TUT4: variants seen among roughly 807,000 people sequenced by gnomAD.
The protein encoded by TUT4 is terminal uridylyltransferase 4.
A neutral mutation model predicts 192.2 loss-of-function variants in TUT4; 36 were observed. That is an observed-to-expected ratio of 0.19 (90% CI 0.14 to 0.25). The LOEUF (loss-of-function observed/expected upper bound fraction) is 0.25. Ranked by LOEUF, TUT4 falls within the 10% of genes least tolerant of loss-of-function variation. The pLI, the probability that TUT4 is intolerant of heterozygous loss-of-function variation, is 1.00. For synonymous variants in TUT4, 618 were observed against 666.0 expected (o/e 0.93, Z 1.11); for missense variants, 1,493 against 1,957.2 (o/e 0.76, Z 4.47).
intron 1 of TUT4, among the ~76,000 whole-genome samples, chr1:52,549,165 G>GA (rs1688796712): frequency 1.3e-5 from 2 of 152,024 alleles, no homozygotes; most frequent in African/African-American, 2.4e-5. Context: ...AAGCCAAGGA[G>GA]AAAAAAATAC....
chr1:52,490,938 C>A (rs1670996700), intron 7 of TUT4, 137 bp from the exon 8 acceptor site: 1 of 728,148 alleles, frequency 1.4e-6, no homozygotes, highest in South Asian at 2.2e-5. Flanking sequence ...TCATTATGAG[C>A]ACCAACCCAG....
At chr1:52,441,581 C>T (rs924579578) in intron 24 of TUT4, among the ~76,000 whole-genome samples, 4 of 151,506 alleles carry the variant, frequency 2.6e-5, no homozygotes, top group African/African-American at 9.7e-5. Flanking sequence ...ACATGAGCCA[C>T]CGCGCCTGGC....
intron 6 of TUT4, 62 bp from the exon 7 acceptor site, chr1:52,493,724 A>C: frequency 2.0e-6 from 2 of 1,011,344 alleles, no homozygotes; most frequent in South Asian, 1.4e-5. Flanking sequence ...CAGAACATTA[A>C]GGAAAACTCA....
chr1:52,534,867 A>G (rs1684479359), intron 1 of TUT4: 1 of 152,192 alleles, frequency 6.6e-6, no homozygotes, highest in Non-Finnish European at 1.5e-5. Context: ...CGTCCCCAAA[A>G]AAATAAAATA....
rs191217282 is a variant in TUT4, at chr1:52,442,058, C to T, written c.3823-3723G>A. On this transcript the variant is annotated intron_variant, in intron 24 of 29. Transcript: ENST00000257177. The stretch of plus-strand genomic sequence containing the variant: ...TGGCGTGCACCTGTAATCCCAGTTA[C>T]TCTGGAGGCCAAGGCAGGACGATCA... Among the ~76,000 whole-genome samples, 142 of 151,200 alleles carry T rather than the reference C, an allele frequency of 9.4e-4. 1 individual carries two copies. The highest frequency in any genetic ancestry group is 4.2e-3 in the South Asian group (20 of 4,796).
At position 52,445,031 on chromosome 1, in the gene TUT4, A is replaced by G. The variant is rs565251852; in HGVS notation, c.3822+756T>C. ...TGTGTATATATATGTATATATGTGTATATATATATGTGTGTGTGTGTCTGT... is the reference window on the plus strand; with the variant it reads ...TGTGTATATATATGTATATATGTGTGTATATATATGTGTGTGTGTGTCTGT... On this transcript the variant is annotated intron_variant, in intron 24 of 29. Transcript: ENST00000257177. Among the ~76,000 whole-genome samples, 960 of 148,072 alleles carry G rather than the reference A, an allele frequency of 6.5e-3. 9 individuals carry two copies. The highest frequency in any genetic ancestry group is 0.023 in the African/African-American group (889 of 39,376).
At chr1:52,455,607 T>TGAAA (rs758287639) in intron 20 of TUT4, among the ~76,000 whole-genome samples, 1 of 40,566 alleles carries the variant, frequency 2.5e-5, no homozygotes. Context: ...ACGCTACCTT[T>TGAAA]AAAAAAAAAA....
At chr1:52,515,791 T>A in intron 3 of TUT4, 100 bp downstream of exon 3, 8 of 1,395,974 alleles carry the variant, frequency 5.7e-6, no homozygotes, top group Non-Finnish European at 8.0e-6. Flanking sequence ...GAATGCAACC[T>A]CTGTCTTATG....
At chr1:52,499,763 T>C (rs1673569602) in intron 4 of TUT4, among the ~76,000 whole-genome samples, 1 of 150,758 alleles carries the variant, frequency 6.6e-6, no homozygotes, top group Non-Finnish European at 1.5e-5. Flanking sequence ...AAGACAGACA[T>C]GTAGACCAAT....
At chr1:52,494,604 A>G (rs181885128) in intron 6 of TUT4, among the ~76,000 whole-genome samples, 133 of 152,346 alleles carry the variant, frequency 8.7e-4, no homozygotes, top group African/African-American at 3.1e-3. Context: ...AGACAGGAGA[A>G]TCGCTTGAAC....
intron 27 of TUT4, chr1:52,432,757 C>G (rs945879813): frequency 2.0e-5 from 3 of 152,066 alleles, no homozygotes; most frequent in African/African-American, 7.2e-5. Flanking sequence ...CCCATCTTTA[C>G]AAGAAATACA....
At chr1:52,508,448 CT>C (rs1406882786) in intron 4 of TUT4, among the ~76,000 whole-genome samples, 2 of 152,146 alleles carry the variant, frequency 1.3e-5, no homozygotes, top group Non-Finnish European at 2.9e-5. Context: ...TCCCTTGTCC[CT>C]GTTCTATCTG....
intron 2 of TUT4, among the ~76,000 whole-genome samples, chr1:52,518,626 A>G (rs1447764394): frequency 6.6e-6 from 1 of 152,340 alleles, no homozygotes; most frequent in East Asian, 1.9e-4. Flanking sequence ...CCATAACAAC[A>G]GCCTTAAAAA....
chr1:52,477,553 C>A (rs835033), intron 12 of TUT4, among the ~76,000 whole-genome samples, 155 bp downstream of exon 12: 46,598 of 152,038 alleles, frequency 0.31, 9,137 homozygotes, highest in East Asian at 0.72. Context: ...GGCAACAGGG[C>A]AAGACCCTGT....
chr1:52,463,093 A>C (rs1188313856), intron 16 of TUT4: 2 of 983,160 alleles, frequency 2.0e-6, no homozygotes, highest in Non-Finnish European at 2.4e-6. Flanking sequence ...AAAAGTTTCA[A>C]TTATGGCTCA....
At chr1:52,527,735 C>T (rs983498365) in intron 1 of TUT4, among the ~76,000 whole-genome samples, 10 of 152,028 alleles carry the variant, frequency 6.6e-5, no homozygotes, top group Non-Finnish European at 2.9e-5. Context: ...GGTATCAATG[C>T]GGGCCAATGT....
chr1:52,519,137 G>A (rs764702291), intron 2 of TUT4, among the ~76,000 whole-genome samples: 1 of 152,092 alleles, frequency 6.6e-6, no homozygotes, highest in Non-Finnish European at 1.5e-5. Flanking sequence ...TCCATCAACT[G>A]ATGAATGGAC....
chr1:52,498,240 C>CTTTTT (rs556089149), intron 4 of TUT4, among the ~76,000 whole-genome samples: 9 of 119,416 alleles, frequency 7.5e-5, no homozygotes, highest in South Asian at 2.8e-4. Flanking sequence ...AGTTTCAGTA[C>CTTTTT]TTTTTTTTTT....
chr1:52,496,505 T>C (rs1345338522), intron 5 of TUT4, among the ~76,000 whole-genome samples: 1 of 152,168 alleles, frequency 6.6e-6, no homozygotes, highest in Non-Finnish European at 1.5e-5. Flanking sequence ...TACATTTACT[T>C]TAACCCTATA....
Sources: gnomAD v4.1 joint callset for allele counts (sites outside exome capture counted in the v4.1 genomes callset) on GRCh38, gnomAD v4.1.1 for gene constraint, MANE v1.5 for transcripts, NCBI Gene and HGNC (gene_info 2026-07-23, HGNC 2026-07-21) for gene names.